The following DIP2C variants were observed in gnomAD, a reference collection of about 807,000 sequenced individuals.
DIP2C encodes the protein disco-interacting protein 2 homolog C.
A neutral mutation model predicts 192.4 loss-of-function variants in DIP2C; 33 were observed. That is an observed-to-expected ratio of 0.17 (90% CI 0.13 to 0.23). The LOEUF (loss-of-function observed/expected upper bound fraction) is 0.23, where lower values mean the gene tolerates loss of function less well. DIP2C is among the 10% of genes least tolerant of loss of function. The probability of loss-of-function intolerance (pLI) is 1.00; values close to 1 mark genes in which losing one functional copy is unlikely to be tolerated. For synonymous variants in DIP2C, 979 were observed against 864.1 expected, an observed-to-expected ratio of 1.13 and a Z score of -2.33; for missense variants, 1,537 against 2,110.1, an observed-to-expected ratio of 0.73 and a Z score of 5.32.
At chr10:384,264 CA>C in intron 15 of DIP2C, 118 bp from the exon 16 acceptor site, 1 of 1,234,014 alleles carries the variant, frequency 8.1e-7, no homozygotes, top group Non-Finnish European at 1.1e-6. Flanking sequence ...ACCCAGCCCC[CA>C]CAAACCTTTT....
At chr10:366,448 G>A (rs770039485) in intron 18 of DIP2C, 37 bp from the exon 19 acceptor site, 1 of 1,613,054 alleles carries the variant, frequency 6.2e-7, no homozygotes, top group Non-Finnish European at 8.5e-7. Context: ...AGTGTGAGAG[G>A]GGGCAGGTGG....
intron 1 of DIP2C, among the ~76,000 whole-genome samples, chr10:580,270 C>T (rs757857732): frequency 2.0e-5 from 3 of 150,940 alleles, no homozygotes; most frequent in African/African-American, 5.0e-5. Flanking sequence ...ATATGCAGTA[C>T]ATAGTGTATG....
At chr10:579,129 A>G (rs528517550) in intron 1 of DIP2C, among the ~76,000 whole-genome samples, 5 of 149,470 alleles carry the variant, frequency 3.3e-5, no homozygotes, top group Admixed American at 1.3e-4. Context: ...GTACACTAAC[A>G]TGTGTACATG....
chr10:409,058 T>C lies in DIP2C; in HGVS notation c.1058-41A>G, dbSNP rs201564075. On this transcript the variant is annotated intron_variant, in intron 8 of 36. Coordinates refer to ENST00000280886, the MANE Select transcript of DIP2C (RefSeq NM_014974.3). ...ACAGACAAATGTGCGTATTAAACCATACGGAGAGCACAGCTTCTGCAAGTC... is the reference window on the plus strand; with the variant it reads ...ACAGACAAATGTGCGTATTAAACCACACGGAGAGCACAGCTTCTGCAAGTC... 5.6e-6 allele frequency: 9 copies of C among 1,598,576 alleles called. No individual in the cohort carries two copies. The East Asian group carries it at 1.1e-4, about 20-fold the overall frequency.
At chr10:351,824 C>T (rs1397234246) in intron 24 of DIP2C, among the ~76,000 whole-genome samples, 3 of 152,172 alleles carry the variant, frequency 2.0e-5, no homozygotes, top group Non-Finnish European at 2.9e-5. Context: ...GGCTCCTTGC[C>T]GCCAACGTCC....
intron 1 of DIP2C, among the ~76,000 whole-genome samples, chr10:602,625 T>C (rs151224519): frequency 1.4e-4 from 22 of 152,308 alleles, no homozygotes; most frequent in African/African-American, 4.1e-4. Context: ...GACCTCGGAC[T>C]TCCCAGCCTC....
chr10:587,336 G>A (rs1004981131), intron 1 of DIP2C, among the ~76,000 whole-genome samples: 14 of 152,214 alleles, frequency 9.2e-5, no homozygotes, highest in African/African-American at 2.7e-4. Flanking sequence ...CAAGTTCCGC[G>A]TCAGTAAAAC....
intron 1 of DIP2C, among the ~76,000 whole-genome samples, chr10:658,054 TC>T (rs1197052785): frequency 2.6e-5 from 3 of 117,428 alleles, no homozygotes; most frequent in African/African-American, 9.9e-5. Context: ...CCTGGACCTG[TC>T]CCTGGACCTG....
intron 1 of DIP2C, among the ~76,000 whole-genome samples, chr10:680,354 T>C (rs921786804): frequency 1.3e-5 from 2 of 152,244 alleles, no homozygotes; most frequent in Non-Finnish European, 2.9e-5. Context: ...AAGCGAGAGA[T>C]GCACCTGCCC....
At chr10:414,742 C>T (rs7081507) in intron 7 of DIP2C, among the ~76,000 whole-genome samples, 89,757 of 111,830 alleles carry the variant, frequency 0.8, 36,872 homozygotes, top group Middle Eastern at 0.87. Flanking sequence ...TGTGTGTGTA[C>T]ATATATATAT....
intron 3 of DIP2C, among the ~76,000 whole-genome samples, chr10:462,544 C>A (rs1395343337): frequency 6.6e-6 from 1 of 152,080 alleles, no homozygotes; most frequent in Non-Finnish European, 1.5e-5. Context: ...AGCCTACCAA[C>A]CAAAAAAAGT....
At chr10:585,010 G>T (rs1286208790) in intron 1 of DIP2C, among the ~76,000 whole-genome samples, 1 of 127,946 alleles carries the variant, frequency 7.8e-6, no homozygotes, top group African/African-American at 3.0e-5. Context: ...CTCGGGGCCC[G>T]CAACCTGGCC....
chr10:401,846 G>C (rs529224133), intron 9 of DIP2C, among the ~76,000 whole-genome samples: 3 of 150,998 alleles, frequency 2.0e-5, no homozygotes, highest in East Asian at 4.0e-4. Flanking sequence ...GGCAGCATTA[G>C]CATTACTCTT....
intron 6 of DIP2C, among the ~76,000 whole-genome samples, chr10:418,322 ACTGTG>A (rs1270503287): frequency 1.4e-5 from 2 of 144,438 alleles, no homozygotes; most frequent in Non-Finnish European, 3.0e-5. Flanking sequence ...CTCCCTGTCC[ACTGTG>A]CCTGTCGGGG....
rs867117142 is a variant in DIP2C at position 586,025 on chromosome 10, C to T, written c.86-99495G>A. On this transcript the variant is annotated intron_variant, in intron 1 of 36. Coordinates refer to ENST00000280886, the MANE Select transcript of DIP2C (RefSeq NM_014974.3). ...CCTCAAGGAGACACAGGATTAAAGG[C>T]AGGACTCCTGGGCAGAAACGGCTCA... is the stretch of plus-strand genomic sequence containing the variant. 5.3e-5 allele frequency among the ~76,000 whole-genome samples: 8 copies of T among 152,242 alleles called. No individual in the cohort carries two copies. In the South Asian group the frequency reaches 8.3e-4, roughly 16 times the overall value.
At chr10:616,112 T>TC (rs1484220474) in intron 1 of DIP2C, among the ~76,000 whole-genome samples, 9 of 152,190 alleles carry the variant, frequency 5.9e-5, no homozygotes, top group Non-Finnish European at 8.8e-5. Flanking sequence ...ACCCAGGTCA[T>TC]CCCTCAGTCA....
At chr10:678,839 G>C (rs1366324504) in intron 1 of DIP2C, among the ~76,000 whole-genome samples, 2 of 70,580 alleles carry the variant, frequency 2.8e-5, no homozygotes, top group African/African-American at 8.2e-5. Context: ...CCACACCCGT[G>C]CTCCCCGCAC....
At chr10:539,022 T>A (rs775527294) in intron 1 of DIP2C, among the ~76,000 whole-genome samples, 3 of 152,160 alleles carry the variant, frequency 2.0e-5, no homozygotes, top group Non-Finnish European at 2.9e-5. Flanking sequence ...CGTCATTCCA[T>A]GAGTTTTGTG....
At chr10:483,577 CT>C (rs1843773437) in intron 2 of DIP2C, among the ~76,000 whole-genome samples, 1 of 152,344 alleles carries the variant, frequency 6.6e-6, no homozygotes, top group South Asian at 2.1e-4. Flanking sequence ...TCCTGTTTTC[CT>C]CACGTTTCCG....
Sources: gnomAD v4.1 joint callset for allele counts (sites outside exome capture counted in the v4.1 genomes callset) on GRCh38, gnomAD v4.1.1 for gene constraint, MANE v1.5 for transcripts, NCBI Gene and HGNC (gene_info 2026-07-23, HGNC 2026-07-21) for gene names.